The following LYST variants were observed in gnomAD, a reference collection of about 807,000 sequenced individuals.
LYST encodes the protein lysosomal-trafficking regulator.
LYST carries 192 observed loss-of-function variants against 413.6 expected under a neutral mutation model. The ratio of observed to expected loss-of-function variants is 0.46; its 90% CI spans 0.41 to 0.52. The LOEUF is 0.52. Among genes scored for constraint, LYST ranks in the 20% least tolerant of loss-of-function variants. The pLI is 0.00. For synonymous variants in LYST, 1,525 were observed against 1,567.3 expected, an observed-to-expected ratio of 0.97 and a Z score of 0.64; for missense variants, 3,815 against 4,499.9, an observed-to-expected ratio of 0.85 and a Z score of 4.35.
At chr1:235,767,246 AAT>A (rs1206805207) in intron 20 of LYST, among the ~76,000 whole-genome samples, 2 of 152,176 alleles carry the variant, frequency 1.3e-5, no homozygotes, top group South Asian at 2.1e-4. Context: ...CATATGTCCA[AAT>A]ATATATCTCT....
At position 235,666,937 on chromosome 1, in the gene LYST, G is replaced by A. The variant is rs534944308; in HGVS notation, c.11039-2316C>T. 3.9e-5 allele frequency among the ~76,000 whole-genome samples: 6 copies of A among 152,274 alleles called. No homozygotes were observed. The South Asian group carries it at 6.2e-4, about 16-fold the overall frequency. ...TAACCCATAGCTACCACTACTGCATGGCTTAATCCTTCAAAATAAAAAATC... is the reference window on the plus strand; with the variant it reads ...TAACCCATAGCTACCACTACTGCATAGCTTAATCCTTCAAAATAAAAAATC... On this transcript the variant is annotated intron_variant, in intron 50 of 52. Coordinates refer to ENST00000389793, the MANE Select transcript of LYST (RefSeq NM_000081.4).
rs1361346074 is a variant in LYST at position 235,800,217 on chromosome 1, T to C, written c.4006+103A>G. On this transcript the variant is annotated intron_variant, in intron 10 of 52. Transcript: ENST00000389793. ...CTGCCACCTCAGCCTCCCAAAGTGC[T>C]AAGATCACAGGCATGAGCCACCACA... 7 of 796,020 alleles carry C rather than the reference T, an allele frequency of 8.8e-6. No homozygotes were observed. The East Asian group carries it at 1.5e-4, about 18-fold the overall frequency. 49.3% of individuals were successfully genotyped at this position (796,020 alleles called of 1,614,324 possible).
chr1:235,717,376 G>T (rs753728456), intron 40 of LYST, among the ~76,000 whole-genome samples: 18 of 152,194 alleles, frequency 1.2e-4, no homozygotes, highest in Non-Finnish European at 2.4e-4. Flanking sequence ...GTATGCATGC[G>T]TACAAATCTG....
At chr1:235,689,745 G>A (rs942904397) in intron 47 of LYST, among the ~76,000 whole-genome samples, 1 of 152,078 alleles carries the variant, frequency 6.6e-6, no homozygotes, top group Non-Finnish European at 1.5e-5. Context: ...ATATATACAT[G>A]TATTAAAACA....
rs1282702011 is a variant in LYST at position 235,686,373 on chromosome 1, CA to C, written c.10800+575del. On this transcript the variant is annotated intron_variant, in intron 48 of 52. Coordinates refer to ENST00000389793, the MANE Select transcript of LYST (RefSeq NM_000081.4). This position sits in a 1 kb window ranked among gnomAD's most constrained non-coding sequence, Gnocchi z 4.0. ...GAGAGGGAGGTTCTGTCTCAAAAAA[CA>C]AAAACAAAACAAAACAAAACAAAAC... is the stretch of plus-strand genomic sequence containing the variant. 1.3e-5 allele frequency among the ~76,000 whole-genome samples: 2 copies of C among 152,012 alleles called. No homozygotes were observed. The highest frequency in any genetic ancestry group is 1.5e-5 in the Non-Finnish European group (1 of 67,970).
chr1:235,818,775 C>T (rs978004249), intron 3 of LYST, among the ~76,000 whole-genome samples: 2 of 152,150 alleles, frequency 1.3e-5, no homozygotes, highest in East Asian at 1.9e-4. Context: ...GAAAGTGCTA[C>T]GGACACGCTG....
In LYST at chr1:235,674,404, A is replaced by C. The variant is rs1210431450; in HGVS notation, c.11038+2687T>G. On this transcript the variant is annotated intron_variant, in intron 50 of 52. Transcript: ENST00000389793. This position sits in a 1 kb window ranked among gnomAD's most constrained non-coding sequence, Gnocchi z 4.1. ...CAACCAAATAGAAAGAACAATCGTA[A>C]AAAAAAAAAAAAAAGTGTCCCCCTC... is the stretch of plus-strand genomic sequence containing the variant. Among the ~76,000 whole-genome samples, 1 of 126,106 alleles carries C rather than the reference A, an allele frequency of 7.9e-6. No homozygotes were observed. Among genetic ancestry groups the C allele is most frequent in the Non-Finnish European group, 1.5e-5 (1 of 65,558 alleles). The allele number at this position is 126,106 out of a possible 152,430, so 82.7% of individuals were successfully genotyped here.
chr1:235,737,943 AACACCCG>A, intron 31 of LYST: 1 of 1,213,588 alleles, frequency 8.2e-7, no homozygotes, highest in Non-Finnish European at 1.0e-6. Flanking sequence ...CGCGTGCCCC[AACACCCG>A]CCGGACGTGC....
At chr1:235,882,039 AAC>A (rs1364438226) in intron 1 of LYST, among the ~76,000 whole-genome samples, 3 of 145,510 alleles carry the variant, frequency 2.1e-5, no homozygotes, top group Admixed American at 6.7e-5. Flanking sequence ...TGTATATTTA[AAC>A]ACACACACTC....
At chr1:235,733,364 A>G (rs183896711) in intron 34 of LYST, 139 bp downstream of exon 34, 32 of 752,314 alleles carry the variant, frequency 4.3e-5, no homozygotes, top group Non-Finnish European at 6.6e-6. Context: ...TAAGATGAAA[A>G]AAACATCACA....
Position 235,792,000 on chromosome 1 carries a change from A to C in LYST, c.4242T>G (p.Tyr1414Ter). 1 of 1,614,110 alleles carries C rather than the reference A, an allele frequency of 6.2e-7. No individual in the cohort carries two copies. The highest frequency in any genetic ancestry group is 8.5e-7 in the Non-Finnish European group (1 of 1,179,986). The change falls in exon 12 of 53, where the codon TAT becomes TAG. Residue 1414 changes from tyrosine to a stop codon, truncating the protein, a stop_gained. Transcript: ENST00000389793. LOFTEE classifies it high-confidence loss of function. The stretch of plus-strand genomic sequence containing the variant: ...TGGCCTTACTGTTTAAAATCCCAGG[A>C]TACTTTTGTGATGAAACACCGTTGC... ...NLSNGVSSQKYPGILNSKAMG... is the reference protein window; with the variant it reads ...NLSNGVSSQK
At chr1:235,726,989 C>T (rs2103188875) in intron 38 of LYST, among the ~76,000 whole-genome samples, 1 of 152,252 alleles carries the variant, frequency 6.6e-6, no homozygotes, top group African/African-American at 2.4e-5. Context: ...CTGGGACATA[C>T]CCTGTGGTAA....
chr1:235,770,352 T>C, intron 19 of LYST, 55 bp from the exon 20 acceptor site: 3 of 1,540,094 alleles, frequency 1.9e-6, no homozygotes, highest in Non-Finnish European at 2.7e-6. Flanking sequence ...ATATGCAGCA[T>C]GCTTTTTGGA....
intron 1 of LYST, among the ~76,000 whole-genome samples, chr1:235,860,348 TCATTATCACCCAAAGTC>T (rs1309267434): frequency 4.6e-5 from 7 of 152,124 alleles, no homozygotes; most frequent in African/African-American, 1.4e-4. Flanking sequence ...CACTGACAGG[TCATTATCACCCAAAGTC>T]CACAGTTTAC....
Position 235,806,577 on chromosome 1 carries a change from A to G in LYST, c.2559T>C (p.His853=), listed in dbSNP as rs1672860091. Residue 853 remains histidine, a synonymous_variant, in exon 6 of 53, where the codon CAT becomes CAC. Transcript: ENST00000389793. ...GCTGATGATGAAAAGAAGTACCCAC[A>G]TGTACAGAGGACAACTCCTTCTGTT... ...DIEQKELSSV[H]VGTSFHHQQA... 3.1e-6 allele frequency: 5 copies of G among 1,613,866 alleles called. No homozygotes were observed. The highest frequency in any genetic ancestry group is 4.2e-6 in the Non-Finnish European group (5 of 1,179,888).
intron 1 of LYST, among the ~76,000 whole-genome samples, chr1:235,862,105 C>T (rs1253566586): frequency 6.6e-6 from 1 of 152,160 alleles, no homozygotes; most frequent in East Asian, 1.9e-4. Flanking sequence ...ATCTGACCTT[C>T]CAAGCAATCA....
In LYST at chr1:235,791,952, T is replaced by G; in HGVS notation, c.4290A>C (p.Arg1430=). The change falls in exon 12 of 53, where the codon CGA becomes CGC. Residue 1430 remains arginine (R), a synonymous_variant. Coordinates refer to ENST00000389793, the MANE Select transcript of LYST (RefSeq NM_000081.4). The stretch of plus-strand genomic sequence containing the variant: ...CAGCCTCTTTCTTGCTCCGTGAAAC[T>G]CGTGCTCTTCTCAATAAACCCATGG... ...SKAMGLLRRA[R]VSRSKKEADR... 2.5e-6 allele frequency: 4 copies of G among 1,614,148 alleles called. No homozygotes were observed. The highest frequency in any genetic ancestry group is 3.4e-6 in the Non-Finnish European group (4 of 1,180,006).
At chr1:235,738,825 A>G in intron 31 of LYST, 1 of 789,794 alleles carries the variant, frequency 1.3e-6, no homozygotes, top group Non-Finnish European at 2.3e-6. Context: ...AATTTCCACC[A>G]TGATTGGTGG....
chr1:235,787,015 T>G (rs113541841), intron 14 of LYST, 185 bp downstream of exon 14: 1 of 489,256 alleles, frequency 2.0e-6, no homozygotes, highest in African/African-American at 1.9e-5. Flanking sequence ...ACCTGCACAT[T>G]GTGCACATGT....
Sources: allele counts gnomAD v4.1 joint callset (sites outside exome capture counted in the v4.1 genomes callset), GRCh38; gene constraint gnomAD v4.1.1; non-coding constraint Gnocchi (gnomAD v3.1); transcripts MANE v1.5; gene names NCBI Gene and HGNC (gene_info 2026-07-23, HGNC 2026-07-21).